Variants in TRIO observed in about 807,000 individuals in gnomAD.
TRIO encodes the protein trio Rho guanine nucleotide exchange factor, also known as triple functional domain protein.
A neutral mutation model predicts 351.9 loss-of-function variants in TRIO; 58 were observed. The observed-to-expected ratio is 0.16, with a 90% CI of 0.13 to 0.21. TRIO has a LOEUF of 0.21. TRIO is among the 10% of genes least tolerant of loss of function. The pLI is 1.00. For synonymous variants in TRIO, 1,758 were observed against 1,595.7 expected, an observed-to-expected ratio of 1.10 and a Z score of -2.42; for missense variants, 3,201 against 4,027.8, an observed-to-expected ratio of 0.79 and a Z score of 5.56.
chr5:14,188,468 T>A (rs988855156), intron 1 of TRIO, among the ~76,000 whole-genome samples: 2 of 152,230 alleles, frequency 1.3e-5, no homozygotes, highest in African/African-American at 4.8e-5. Context: ...GTTAACTAAA[T>A]CATATAGTAG....
At chr5:14,413,711 A>C (rs1314659012) in intron 33 of TRIO, among the ~76,000 whole-genome samples, 1 of 152,260 alleles carries the variant, frequency 6.6e-6, no homozygotes, top group Non-Finnish European at 1.5e-5. Flanking sequence ...AGAAAGCCTC[A>C]GTTCTAAGAA....
In TRIO at chr5:14,476,765, G is replaced by C. The variant is rs1367274131; in HGVS notation, c.6084-129G>C. On this transcript the variant is annotated intron_variant, in intron 40 of 56. Coordinates refer to ENST00000344204, the MANE Select transcript of TRIO (RefSeq NM_007118.4). ...ACCAAGATCACACCACTGCACTCCAGCCTAGGTGATAGAGTGACACTCTCT... is the reference window on the plus strand; with the variant it reads ...ACCAAGATCACACCACTGCACTCCACCCTAGGTGATAGAGTGACACTCTCT... The C allele has an allele frequency of 1.4e-5, 10 of 730,816 alleles. No individual in the cohort carries two copies. In the East Asian group the frequency reaches 3.0e-4, roughly 22 times the overall value. 45.3% of individuals were successfully genotyped at this position (730,816 alleles called of 1,614,324 possible). A position where few individuals can be genotyped will look rare whatever the true frequency, so the allele number is the denominator to read the frequency against.
rs142635365 is a variant in TRIO at position 14,323,866 on chromosome 5, A to G, written c.1732-6912A>G. On this transcript the variant is annotated intron_variant, in intron 9 of 56. Coordinates refer to ENST00000344204, the MANE Select transcript of TRIO (RefSeq NM_007118.4). ...GTAGGTAAATTTCATTAGTAGCATA[A>G]TATTGACTATCCTTACAGCACTGCC... Among the ~76,000 whole-genome samples the G allele has an allele frequency of 3.3e-4, 50 of 152,368 alleles. No homozygotes were observed. In the East Asian group the frequency reaches 9.1e-3, roughly 28 times the overall value.
Position 14,199,302 on chromosome 5 carries a change from T to C in TRIO, c.157+55420T>C, listed in dbSNP as rs1220917685. 2.0e-5 allele frequency among the ~76,000 whole-genome samples: 3 copies of C among 151,974 alleles called. No individual in the cohort carries two copies. In the East Asian group the frequency reaches 5.8e-4, roughly 29 times the overall value. On this transcript the variant is annotated intron_variant, in intron 1 of 56. Coordinates refer to ENST00000344204, the MANE Select transcript of TRIO (RefSeq NM_007118.4). ...GGCAGTTGTGAGGTATTTATATTAA[T>C]GGAATTTGCCTTGCTTAAAAAAATT...
At chr5:14,270,193 T>C (rs1346471585) in intron 1 of TRIO, among the ~76,000 whole-genome samples, 1 of 152,192 alleles carries the variant, frequency 6.6e-6, no homozygotes, top group Non-Finnish European at 1.5e-5. Context: ...GAGTTGGTTT[T>C]TAGTGAGAAG....
chr5:14,216,306 G>C (rs1289394804), intron 1 of TRIO, among the ~76,000 whole-genome samples: 2 of 152,220 alleles, frequency 1.3e-5, no homozygotes, highest in Non-Finnish European at 2.9e-5. Context: ...GGCTGTATTA[G>C]AGTTGAATTT....
chr5:14,232,243 G>A (rs1376353128), intron 1 of TRIO, among the ~76,000 whole-genome samples: 1 of 152,162 alleles, frequency 6.6e-6, no homozygotes, highest in African/African-American at 2.4e-5. Flanking sequence ...GGTTCCGTGA[G>A]TGAGGCATGC....
rs747014039 is a variant in TRIO at position 14,270,796 on chromosome 5, T to C, written c.158-29T>C. 27 of 1,589,774 alleles carry C rather than the reference T, an allele frequency of 1.7e-5. No homozygotes were observed. The South Asian group carries it at 3.0e-4, about 18-fold the overall frequency. On this transcript the variant is annotated intron_variant, in intron 1 of 56. Transcript: ENST00000344204. ...ATTAACTGTCACTCTGGCAACCCAG[T>C]AATTTTATTTTCTCCTTCTGTATTT...
chr5:14,176,942 TATA>T (rs1373578702), intron 1 of TRIO, among the ~76,000 whole-genome samples: 1 of 152,274 alleles, frequency 6.6e-6, no homozygotes, highest in African/African-American at 2.4e-5. Context: ...TTGATAATAT[TATA>T]ATAGATTCAT....
Position 14,419,975 on chromosome 5 carries a change from C to T in TRIO, c.5157C>T (p.Ala1719=). 1 of 1,614,212 alleles carries T rather than the reference C, an allele frequency of 6.2e-7. No homozygotes were observed. The highest frequency in any genetic ancestry group is 1.1e-5 in the South Asian group (1 of 91,072). The part of the protein sequence containing the change: ...GLVPCGSLCI[A]HSRSSMEMEG... The stretch of plus-strand genomic sequence containing the variant: ...TCCCCTGTGGTTCACTGTGCATCGC[C>T]CACTCCAGAAGTAGCATGGAAATGG... The change falls in exon 34 of 57, where the codon GCC becomes GCT. Residue 1719 remains alanine (A), a synonymous_variant. Coordinates refer to ENST00000344204, the MANE Select transcript of TRIO (RefSeq NM_007118.4).
intron 8 of TRIO, among the ~76,000 whole-genome samples, chr5:14,315,036 A>G (rs1315555521): frequency 6.6e-6 from 1 of 152,218 alleles, no homozygotes; most frequent in Non-Finnish European, 1.5e-5. Flanking sequence ...GGTATTGAAA[A>G]GTAAACGTGT....
chr5:14,485,397 T>C, intron 47 of TRIO, 151 bp downstream of exon 47: 1 of 780,948 alleles, frequency 1.3e-6, no homozygotes. Context: ...TATTTCATCT[T>C]CACAACCACC....
rs56381514 is a variant in TRIO, at chr5:14,430,336, C to T, written c.5203+10315C>T. Among the ~76,000 whole-genome samples, 517 of 151,892 alleles carry T rather than the reference C, an allele frequency of 3.4e-3. 4 individuals are homozygous for T. Among genetic ancestry groups the T allele is most frequent in the African/African-American group, 0.012 (501 of 41,402 alleles). ...AGGTGAGGTTTGGATGGATGTTTTC[C>T]CACAGAATTACAAGAGCATGCAATG... On this transcript the variant is annotated intron_variant, in intron 34 of 56. Transcript: ENST00000344204.
At chr5:14,334,049 T>C (rs1741164561) in intron 10 of TRIO, among the ~76,000 whole-genome samples, 1 of 152,348 alleles carries the variant, frequency 6.6e-6, no homozygotes, top group East Asian at 1.9e-4. Context: ...ACTGGTTGTT[T>C]TAACAATCCC....
At chr5:14,480,104 G>A (rs1428094569) in intron 43 of TRIO, 93 bp downstream of exon 43, 3 of 1,146,704 alleles carry the variant, frequency 2.6e-6, no homozygotes, top group Admixed American at 1.9e-5. Flanking sequence ...GTAGGACAGG[G>A]GAATCATCTG....
At chr5:14,287,290 T>C (rs1386049348) in intron 4 of TRIO, among the ~76,000 whole-genome samples, 2 of 152,158 alleles carry the variant, frequency 1.3e-5, no homozygotes, top group African/African-American at 4.8e-5. Flanking sequence ...TTCCCTTGGG[T>C]TGGGTGATGG....
intron 1 of TRIO, among the ~76,000 whole-genome samples, chr5:14,225,114 C>T (rs894556149): frequency 6.6e-6 from 1 of 152,136 alleles, no homozygotes; most frequent in African/African-American, 2.4e-5. Context: ...AGCCTTCCCT[C>T]AAGTTTATCT....
At chr5:14,403,705 GGTGAGGGTGTAGGTT>G (rs1748414403) in intron 31 of TRIO, among the ~76,000 whole-genome samples, 2 of 137,200 alleles carry the variant, frequency 1.5e-5, no homozygotes, top group African/African-American at 2.8e-5. Context: ...TGTAGGTTGT[GGTGAGGGTGTAGGTT>G]GTGGTGAGGG....
chr5:14,237,969 T>A (rs781023588), intron 1 of TRIO, among the ~76,000 whole-genome samples: 1 of 152,224 alleles, frequency 6.6e-6, no homozygotes, highest in African/African-American at 2.4e-5. Flanking sequence ...ACCTTAAGAA[T>A]GTTATTCTGA....
Sources: allele counts gnomAD v4.1 joint callset (sites outside exome capture counted in the v4.1 genomes callset), GRCh38; gene constraint gnomAD v4.1.1; transcripts MANE v1.5; gene names NCBI Gene and HGNC (gene_info 2026-07-23, HGNC 2026-07-21).